The following PLCL1 variants were observed in gnomAD, a reference collection of about 807,000 sequenced individuals.
PLCL1 encodes inactive phospholipase C-like protein 1.
In PLCL1, 41 loss-of-function variants were observed where a neutral mutation model predicts 84.4. That is an observed-to-expected ratio of 0.49 (90% confidence interval 0.38 to 0.63). PLCL1 has a LOEUF of 0.63. Among genes scored for constraint, PLCL1 ranks in the 30% least tolerant of loss-of-function variants. The pLI is 0.00. For synonymous variants in PLCL1, 490 were observed against 488.3 expected (o/e 1.00, Z -0.05); for missense variants, 1,206 against 1,367.8 (o/e 0.88, Z 1.87).
At chr2:198,146,728 C>A in intron 5 of PLCL1, 52 bp from the exon 6 acceptor site, 4 of 1,479,186 alleles carry the variant, frequency 2.7e-6, no homozygotes, top group Non-Finnish European at 2.8e-6. Flanking sequence ...TCACTCAGCA[C>A]ATGCCTGGCC....
At chr2:198,101,108 A>G (rs1693320484) in intron 3 of PLCL1, among the ~76,000 whole-genome samples, 177 bp from the exon 4 acceptor site, 1 of 152,064 alleles carries the variant, frequency 6.6e-6, no homozygotes, top group Admixed American at 6.6e-5. Context: ...CACTAGCCTC[A>G]GTGTTAGGAT....
intron 1 of PLCL1, among the ~76,000 whole-genome samples, chr2:197,873,346 A>T (rs1474037884): frequency 6.6e-6 from 1 of 152,098 alleles, no homozygotes; most frequent in Non-Finnish European, 1.5e-5. Context: ...GCCAGCAGGA[A>T]GTCCAGTGCC....
At chr2:197,867,742 C>T (rs1325564941) in intron 1 of PLCL1, among the ~76,000 whole-genome samples, 1 of 152,106 alleles carries the variant, frequency 6.6e-6, no homozygotes, top group Non-Finnish European at 1.5e-5. Context: ...TGAACACTGC[C>T]ATCATCTTGC....
chr2:198,058,774 T>G (rs1482505590), intron 1 of PLCL1, among the ~76,000 whole-genome samples: 1 of 152,178 alleles, frequency 6.6e-6, no homozygotes, highest in African/African-American at 2.4e-5. Context: ...TAGATTTTAG[T>G]ATAAAGACAT....
intron 1 of PLCL1, among the ~76,000 whole-genome samples, chr2:197,966,787 G>A (rs1689750320): frequency 6.6e-6 from 1 of 151,794 alleles, no homozygotes; most frequent in Non-Finnish European, 1.5e-5. Flanking sequence ...GTTCCTTCAG[G>A]GAGGATGATT....
At chr2:198,062,162 G>T (rs1692220957) in intron 1 of PLCL1, among the ~76,000 whole-genome samples, 1 of 152,114 alleles carries the variant, frequency 6.6e-6, no homozygotes, top group Non-Finnish European at 1.5e-5. Context: ...GCCCCAGACT[G>T]CTCCAAATCT....
intron 2 of PLCL1, among the ~76,000 whole-genome samples, chr2:198,088,464 T>C (rs1692939793): frequency 6.6e-6 from 1 of 152,184 alleles, no homozygotes; most frequent in East Asian, 1.9e-4. Context: ...GGAATGCCAT[T>C]GATTAGTCAG....
At chr2:198,053,451 T>C (rs1691989687) in intron 1 of PLCL1, among the ~76,000 whole-genome samples, 1 of 152,218 alleles carries the variant, frequency 6.6e-6, no homozygotes, top group Non-Finnish European at 1.5e-5. Flanking sequence ...CCTTTGGTGC[T>C]GGTAATACCA....
chr2:197,956,910 A>G lies in PLCL1; in HGVS notation c.241-126848A>G, dbSNP rs117437543. ...ATGATAATTTTCTTTGCTATGCAGAAGCTCTTTAGTTCAATTATATCCCAT... is the reference window on the plus strand; with the variant it reads ...ATGATAATTTTCTTTGCTATGCAGAGGCTCTTTAGTTCAATTATATCCCAT... On this transcript the variant is annotated intron_variant, in intron 1 of 5. Coordinates refer to ENST00000428675, the MANE Select transcript of PLCL1 (RefSeq NM_006226.4). Among the ~76,000 whole-genome samples the G allele has an allele frequency of 1.5e-3, 229 of 152,204 alleles. 5 individuals are homozygous for G. The highest frequency in any genetic ancestry group is 0.011 in the Admixed American group (167 of 15,264).
At chr2:197,850,798 A>G (rs973925138) in intron 1 of PLCL1, among the ~76,000 whole-genome samples, 1 of 152,070 alleles carries the variant, frequency 6.6e-6, no homozygotes, top group Non-Finnish European at 1.5e-5. Flanking sequence ...TCAAGAACAC[A>G]TATTGGAGCT....
At chr2:197,814,261 C>G (rs1690646043) in intron 1 of PLCL1, among the ~76,000 whole-genome samples, 1 of 152,072 alleles carries the variant, frequency 6.6e-6, no homozygotes, top group African/African-American at 2.4e-5. Context: ...CGTGTGCTCA[C>G]TTTGTGTCTC....
At chr2:197,881,514 C>A (rs1480666852) in intron 1 of PLCL1, among the ~76,000 whole-genome samples, 1 of 126,416 alleles carries the variant, frequency 7.9e-6, no homozygotes, top group African/African-American at 3.1e-5. Context: ...GAAGAAGGAA[C>A]AGTGCTCTGT....
intron 5 of PLCL1, among the ~76,000 whole-genome samples, chr2:198,138,325 G>A (rs768786872): frequency 3.9e-5 from 6 of 152,092 alleles, no homozygotes; most frequent in Non-Finnish European, 7.4e-5. Context: ...CTAAGGGGAA[G>A]TGTTACACAC....
At chr2:197,960,086 C>A (rs1458408481) in intron 1 of PLCL1, among the ~76,000 whole-genome samples, 5 of 152,086 alleles carry the variant, frequency 3.3e-5, no homozygotes, top group Non-Finnish European at 7.4e-5. Context: ...TGGTTTATCA[C>A]CGTTCCCAGA....
Position 197,973,638 on chromosome 2 carries a change from T to C in PLCL1, c.241-110120T>C, listed in dbSNP as rs555835633. 7.9e-5 allele frequency among the ~76,000 whole-genome samples: 12 copies of C among 152,070 alleles called. No homozygotes were observed. The South Asian group carries it at 1.0e-3, about 13-fold the overall frequency. On this transcript the variant is annotated intron_variant, in intron 1 of 5. Coordinates refer to ENST00000428675, the MANE Select transcript of PLCL1 (RefSeq NM_006226.4). ...ATGTCAGGATATTCCAGGAGAGGGA[T>C]TGGCAAGGGAATGGTGGGGAGGAGC... is the stretch of plus-strand genomic sequence containing the variant.
chr2:198,004,452 T>G (rs1690679211), intron 1 of PLCL1, among the ~76,000 whole-genome samples: 1 of 152,222 alleles, frequency 6.6e-6, no homozygotes, highest in Non-Finnish European at 1.5e-5. Flanking sequence ...CCTACTGATA[T>G]GACTTAGGCT....
At chr2:197,868,039 G>A (rs1282177458) in intron 1 of PLCL1, among the ~76,000 whole-genome samples, 1 of 152,084 alleles carries the variant, frequency 6.6e-6, no homozygotes, top group Non-Finnish European at 1.5e-5. Context: ...AAAACAAATG[G>A]CAAGGATTTT....
intron 1 of PLCL1, among the ~76,000 whole-genome samples, chr2:197,991,373 G>A (rs1396445452): frequency 1.3e-5 from 2 of 152,046 alleles, no homozygotes; most frequent in African/African-American, 2.4e-5. Flanking sequence ...ACTCTATAGT[G>A]GCATGAGCCA....
chr2:197,932,030 C>T (rs1688945850), intron 1 of PLCL1, among the ~76,000 whole-genome samples: 1 of 152,092 alleles, frequency 6.6e-6, no homozygotes. Flanking sequence ...GGGTAATGAG[C>T]AAGACATGAT....
Sources: gnomAD v4.1 joint callset for allele counts (sites outside exome capture counted in the v4.1 genomes callset) on GRCh38, gnomAD v4.1.1 for gene constraint, MANE v1.5 for transcripts, NCBI Gene and HGNC (gene_info 2026-07-23, HGNC 2026-07-21) for gene names.